Variants in CNTLN observed in about 807,000 individuals in gnomAD.
CNTLN encodes the protein centlein, centrosomal protein.
Under a neutral mutation model 180.0 loss-of-function variants are expected in CNTLN, and 212 were observed. The observed-to-expected ratio is 1.18, with a 90% CI of 1.05 to 1.32. CNTLN has a LOEUF of 1.32. Ranked by LOEUF, CNTLN falls within the 40% of genes most tolerant of loss-of-function variation. CNTLN has a pLI of 0.00. For missense variants in CNTLN, 2,095 were observed against 1,610.9 expected (o/e 1.30, Z -5.14); for synonymous variants, 722 against 563.1 (o/e 1.28, Z -3.99).
At chr9:17,143,437 A>G in intron 2 of CNTLN, 61 bp downstream of exon 2, 3 of 1,204,416 alleles carry the variant, frequency 2.5e-6, no homozygotes, top group Non-Finnish European at 2.4e-6. Context: ...TCTCTTCATT[A>G]TTAAAGTTAG....
Position 17,170,425 on chromosome 9 carries a change from T to C in CNTLN, c.449+27049T>C, listed in dbSNP as rs757103049. ...TTTGGGTAGGACTTCCAGTAGTATA[T>C]TGAATAAAAGTGGCAAGAGTGGGTT... On this transcript the variant is annotated intron_variant, in intron 2 of 25. Transcript: ENST00000380647. Among the ~76,000 whole-genome samples, 33 of 152,142 alleles carry C rather than the reference T, an allele frequency of 2.2e-4. 1 individual carries two copies. The highest frequency in any genetic ancestry group is 1.7e-3 in the Admixed American group (26 of 15,282).
chr9:17,171,116 G>C (rs905186989), intron 2 of CNTLN, among the ~76,000 whole-genome samples: 5 of 152,226 alleles, frequency 3.3e-5, no homozygotes, highest in Non-Finnish European at 7.3e-5. Context: ...ACACGTGACT[G>C]TATTTTGAAT....
rs774244856 is a variant in CNTLN, at chr9:17,466,062, G to T, written c.3613G>T (p.Glu1205Ter). The part of the protein sequence containing the change: ...LKQRLNVAVK[E>*]KSQYEQMYQK... ...GCAAAGACTTAACGTTGCTGTAAAAGAAAAGTCACAGTATGAACAGATGTA... is the reference window on the plus strand; with the variant it reads ...GCAAAGACTTAACGTTGCTGTAAAATAAAAGTCACAGTATGAACAGATGTA... Residue 1205 changes from glutamate to a stop codon, truncating the protein, a stop_gained, in exon 22 of 26, where the codon GAA becomes TAA. Coordinates refer to ENST00000380647, the MANE Select transcript of CNTLN (RefSeq NM_017738.4). LOFTEE classifies it high-confidence loss of function. 24 of 1,606,380 alleles carry T rather than the reference G, an allele frequency of 1.5e-5. No homozygotes were observed. In the Admixed American group the frequency reaches 2.2e-4, roughly 15 times the overall value.
At chr9:17,245,706 C>G (rs763993999) in intron 5 of CNTLN, among the ~76,000 whole-genome samples, 1 of 151,908 alleles carries the variant, frequency 6.6e-6, no homozygotes, top group African/African-American at 2.4e-5. Flanking sequence ...TTTTCTCAAT[C>G]TTGTGTGTGT....
Position 17,463,014 on chromosome 9 carries a change from G to GTA in CNTLN, c.3404+3_3404+4dup, listed in dbSNP as rs753400667. On this transcript the variant is annotated splice_donor_variant, in intron 20 of 25. Coordinates refer to ENST00000380647, the MANE Select transcript of CNTLN (RefSeq NM_017738.4). LOFTEE classifies it high-confidence loss of function. ...AACACATAAAGGAAATGCATGAAAA[G>GTA]TATGGTTTTTGTATTTCTATCCATT... 6.4e-6 allele frequency: 10 copies of GTA among 1,557,460 alleles called. No homozygotes were observed. Among genetic ancestry groups the GTA allele is most frequent in the Non-Finnish European group, 8.7e-6 (10 of 1,148,788 alleles).
chr9:17,331,225 T>G (rs1056937190), intron 9 of CNTLN, among the ~76,000 whole-genome samples: 2 of 151,912 alleles, frequency 1.3e-5, no homozygotes, highest in Non-Finnish European at 2.9e-5. Context: ...TTTAAAATAC[T>G]GTCTGTGTGG....
intron 2 of CNTLN, among the ~76,000 whole-genome samples, chr9:17,174,342 T>A (rs1820585867): frequency 6.6e-6 from 1 of 152,214 alleles, no homozygotes; most frequent in Non-Finnish European, 1.5e-5. Flanking sequence ...TTTATTTATC[T>A]GGGATAAATG....
In CNTLN at chr9:17,268,312, G is replaced by A. The variant is rs142508701; in HGVS notation, c.850-5421G>A. Among the ~76,000 whole-genome samples the A allele has an allele frequency of 1.4e-3, 216 of 152,284 alleles. 3 individuals are homozygous for A. The highest frequency in any genetic ancestry group is 4.9e-3 in the African/African-American group (202 of 41,558). ...TTGCTAGAGGTCCACTCCAGACCCT[G>A]TTTGCCTGGGTATCAGCAGCGGTGG... On this transcript the variant is annotated intron_variant, in intron 5 of 25. Coordinates refer to ENST00000380647, the MANE Select transcript of CNTLN (RefSeq NM_017738.4).
Position 17,451,004 on chromosome 9 carries a change from T to C in CNTLN, c.3115-6520T>C, listed in dbSNP as rs548118686. Among the ~76,000 whole-genome samples, 23 of 152,294 alleles carry C rather than the reference T, an allele frequency of 1.5e-4. No homozygotes were observed. The East Asian group carries it at 4.2e-3, about 28-fold the overall frequency. ...AAGTTGTATGGAAAATATTTGTTAA[T>C]GACATAGAAAATGATAGCATTGTCT... On this transcript the variant is annotated intron_variant, in intron 18 of 25. Transcript: ENST00000380647.
At chr9:17,186,407 T>A (rs1398439175) in intron 2 of CNTLN, among the ~76,000 whole-genome samples, 1 of 152,184 alleles carries the variant, frequency 6.6e-6, no homozygotes, top group Non-Finnish European at 1.5e-5. Flanking sequence ...ATTGGGAGCA[T>A]ATGGTAGAAT....
At chr9:17,452,773 G>A (rs897371116) in intron 18 of CNTLN, among the ~76,000 whole-genome samples, 1 of 151,934 alleles carries the variant, frequency 6.6e-6, no homozygotes, top group African/African-American at 2.4e-5. Context: ...TTGGGGCCAC[G>A]AAAAAAAGCA....
intron 5 of CNTLN, among the ~76,000 whole-genome samples, chr9:17,245,442 T>G (rs554289841): frequency 1.2e-4 from 18 of 148,638 alleles, no homozygotes; most frequent in African/African-American, 2.3e-4. Flanking sequence ...TTATTTGTGT[T>G]TTTTTTTTTT....
intron 3 of CNTLN, among the ~76,000 whole-genome samples, chr9:17,229,466 C>T (rs1307953233): frequency 6.6e-6 from 1 of 151,980 alleles, no homozygotes; most frequent in African/African-American, 2.4e-5. Flanking sequence ...CTCACGCAGT[C>T]GTGGGCTGGC....
intron 19 of CNTLN, among the ~76,000 whole-genome samples, chr9:17,459,718 A>G (rs1807112898): frequency 6.6e-6 from 1 of 151,632 alleles, no homozygotes; most frequent in South Asian, 2.1e-4. Flanking sequence ...TGGTTTGTAG[A>G]TGGCTGTCTT....
At chr9:17,279,034 A>G (rs1828493698) in intron 6 of CNTLN, among the ~76,000 whole-genome samples, 1 of 147,494 alleles carries the variant, frequency 6.8e-6, no homozygotes. Flanking sequence ...TATAAGGAAC[A>G]CTATCTTTCT....
At chr9:17,465,351 T>A (rs1169509381) in intron 21 of CNTLN, among the ~76,000 whole-genome samples, 1 of 150,634 alleles carries the variant, frequency 6.6e-6, no homozygotes, top group Non-Finnish European at 1.5e-5. Context: ...TCTGTGCAAG[T>A]TAAAATCACT....
chr9:17,466,031 A>G lies in CNTLN; in HGVS notation c.3582A>G (p.Ser1194=). ...ECSNKKVSID[S]LKQRLNVAVK... Reference sequence around the variant, plus strand: ...CCAACAAGAAGGTATCAATTGATTCACTAAAGCAAAGACTTAACGTTGCTG... The same window carrying G: ...CCAACAAGAAGGTATCAATTGATTCGCTAAAGCAAAGACTTAACGTTGCTG... Residue 1194 remains serine (S), a synonymous_variant, in exon 22 of 26, where the codon TCA becomes TCG. Transcript: ENST00000380647. 6.2e-7 allele frequency: 1 copy of G among 1,605,442 alleles called. No homozygotes were observed. Among genetic ancestry groups the G allele is most frequent in the Non-Finnish European group, 8.5e-7 (1 of 1,173,674 alleles).
In CNTLN at chr9:17,340,818, G is replaced by C; in HGVS notation, c.1645-9G>C. On this transcript the variant is annotated splice_polypyrimidine_tract_variant and intron_variant, in intron 10 of 25. Coordinates refer to ENST00000380647, the MANE Select transcript of CNTLN (RefSeq NM_017738.4). ...AACTTATATATACTTGCTTTTTTGTGTTCTACAGAGCCAAGAAAATGATGA... is the reference window on the plus strand; with the variant it reads ...AACTTATATATACTTGCTTTTTTGTCTTCTACAGAGCCAAGAAAATGATGA... 2 of 1,599,722 alleles carry C rather than the reference G, an allele frequency of 1.3e-6. No individual in the cohort carries two copies. The highest frequency in any genetic ancestry group is 8.5e-7 in the Non-Finnish European group (1 of 1,174,470).
intron 12 of CNTLN, among the ~76,000 whole-genome samples, chr9:17,365,217 C>T (rs1473542717): frequency 6.6e-6 from 1 of 152,092 alleles, no homozygotes; most frequent in African/African-American, 2.4e-5. Flanking sequence ...AGTGAGTTCT[C>T]ATAAGATCCG....
Sources: gnomAD v4.1 joint callset for allele counts (sites outside exome capture counted in the v4.1 genomes callset) on GRCh38, gnomAD v4.1.1 for gene constraint, MANE v1.5 for transcripts, NCBI Gene and HGNC (gene_info 2026-07-23, HGNC 2026-07-21) for gene names.